Variants in CPQ observed in about 807,000 individuals in gnomAD.
The protein encoded by CPQ is carboxypeptidase Q, also known as Ser-Met dipeptidase.
CPQ carries 37 observed loss-of-function variants against 45.7 expected under a neutral mutation model. That is an observed-to-expected ratio of 0.81 (90% CI 0.62 to 1.07). CPQ has a LOEUF of 1.07. Among genes scored for constraint, CPQ ranks in the 50% least tolerant of loss-of-function variants. CPQ has a pLI of 0.00. For missense variants in CPQ, 537 were observed against 572.9 expected, an observed-to-expected ratio of 0.94 and a Z score of 0.64; for synonymous variants, 186 against 205.8, an observed-to-expected ratio of 0.90 and a Z score of 0.82.
intron 3 of CPQ, among the ~76,000 whole-genome samples, chr8:96,865,863 G>A (rs1811990293): frequency 6.6e-6 from 1 of 151,932 alleles, no homozygotes; most frequent in Non-Finnish European, 1.5e-5. Context: ...TTTATTAAGT[G>A]CCTATGTACT....
chr8:96,879,324 T>C (rs115346779), intron 3 of CPQ, among the ~76,000 whole-genome samples: 279 of 152,346 alleles, frequency 1.8e-3, no homozygotes, highest in African/African-American at 6.2e-3. Context: ...TGTGGAGTTA[T>C]AGATTTAGAC....
rs1015145653 is a variant in CPQ, at chr8:96,857,623, A to G, written c.642-22175A>G. ...TACAACTGCTGTACACATTGCAGCC[A>G]GAAAAGACATTTTAGTTGTCAGGTA... On this transcript the variant is annotated intron_variant, in intron 3 of 7. Coordinates refer to ENST00000220763, the MANE Select transcript of CPQ (RefSeq NM_016134.4). Among the ~76,000 whole-genome samples the G allele has an allele frequency of 2.6e-5, 4 of 152,238 alleles. No individual in the cohort carries two copies. In the East Asian group the frequency reaches 5.8e-4, roughly 22 times the overall value.
intron 1 of CPQ, among the ~76,000 whole-genome samples, chr8:96,702,424 C>T (rs770941247): frequency 3.9e-5 from 6 of 152,088 alleles, no homozygotes; most frequent in African/African-American, 7.2e-5. Flanking sequence ...GAAAGGTGAA[C>T]GAAAGCTACA....
At chr8:96,765,916 G>T (rs888319717) in intron 1 of CPQ, among the ~76,000 whole-genome samples, 1 of 152,132 alleles carries the variant, frequency 6.6e-6, no homozygotes, top group Non-Finnish European at 1.5e-5. Context: ...AAATAAACAG[G>T]AAATTCTAAG....
At chr8:96,749,599 A>C (rs1810232960) in intron 1 of CPQ, among the ~76,000 whole-genome samples, 1 of 152,164 alleles carries the variant, frequency 6.6e-6, no homozygotes, top group Non-Finnish European at 1.5e-5. Flanking sequence ...GAGCTTTTCT[A>C]TCAGCTGAGG....
At chr8:97,107,521 C>A (rs1461426022) in intron 7 of CPQ, among the ~76,000 whole-genome samples, 1 of 152,208 alleles carries the variant, frequency 6.6e-6, no homozygotes, top group Non-Finnish European at 1.5e-5. Flanking sequence ...GCAAGTCCAC[C>A]CTAAGGAAGA....
At chr8:96,854,530 C>CAAAAAAAAAAAAAAAAA (rs1156706371) in intron 3 of CPQ, among the ~76,000 whole-genome samples, 176 of 8,652 alleles carry the variant, frequency 0.02, 15 homozygotes, top group Non-Finnish European at 0.046. Flanking sequence ...GACTCCGTCT[C>CAAAAAAAAAAAAAAAAA]AAAAAAAAAA....
intron 6 of CPQ, among the ~76,000 whole-genome samples, chr8:97,032,159 A>G (rs1809918184): frequency 6.6e-6 from 1 of 152,230 alleles, no homozygotes; most frequent in South Asian, 2.1e-4. Flanking sequence ...AAATAAGGTT[A>G]TGCTAACTGC....
At chr8:96,987,810 T>C (rs1194928613) in intron 5 of CPQ, among the ~76,000 whole-genome samples, 2 of 152,210 alleles carry the variant, frequency 1.3e-5, no homozygotes, top group Admixed American at 1.3e-4. Context: ...TTATGGAAGA[T>C]AGATTTTATT....
intron 5 of CPQ, among the ~76,000 whole-genome samples, chr8:96,972,561 G>A (rs1440563244): frequency 6.6e-6 from 1 of 152,156 alleles, no homozygotes; most frequent in Admixed American, 6.5e-5. Flanking sequence ...CCACCTCCTG[G>A]CTGGAGGCCA....
intron 7 of CPQ, among the ~76,000 whole-genome samples, chr8:97,072,031 G>C (rs977226869): frequency 1.3e-5 from 2 of 152,076 alleles, no homozygotes; most frequent in African/African-American, 4.8e-5. Flanking sequence ...GTGAGGAAAT[G>C]TTTTCTAGAA....
chr8:96,896,290 G>A (rs13272456), intron 4 of CPQ, among the ~76,000 whole-genome samples: 58,119 of 151,908 alleles, frequency 0.38, 11,786 homozygotes, highest in Non-Finnish European at 0.46. Context: ...ATTTTAAAAA[G>A]GCATGGCTTC....
At chr8:97,000,364 T>C (rs1809254972) in intron 5 of CPQ, among the ~76,000 whole-genome samples, 1 of 151,934 alleles carries the variant, frequency 6.6e-6, no homozygotes, top group African/African-American at 2.4e-5. Context: ...AGGGTTTTTA[T>C]AGTTTTGGGT....
At chr8:97,082,180 C>A (rs1408533105) in intron 7 of CPQ, among the ~76,000 whole-genome samples, 2 of 152,114 alleles carry the variant, frequency 1.3e-5, no homozygotes, top group African/African-American at 4.8e-5. Context: ...GACACATATT[C>A]TCTCTCTCTT....
At chr8:97,077,368 C>T (rs185855368) in intron 7 of CPQ, among the ~76,000 whole-genome samples, 20 of 152,186 alleles carry the variant, frequency 1.3e-4, no homozygotes, top group East Asian at 3.9e-4. Context: ...GATTAGCATC[C>T]GCAGCATTTT....
chr8:96,951,600 A>G (rs1296621600), intron 4 of CPQ, among the ~76,000 whole-genome samples: 1 of 152,126 alleles, frequency 6.6e-6, no homozygotes, highest in Non-Finnish European at 1.5e-5. Context: ...TTATTGAAAT[A>G]AAAACGTAAC....
At chr8:96,777,639 G>A (rs1481701701) in intron 1 of CPQ, among the ~76,000 whole-genome samples, 11 of 147,256 alleles carry the variant, frequency 7.5e-5, no homozygotes. Flanking sequence ...CAAACTGATG[G>A]CCCTTGATCA....
chr8:97,009,204 T>A (rs1489124472), intron 5 of CPQ, among the ~76,000 whole-genome samples: 8 of 152,222 alleles, frequency 5.3e-5, no homozygotes, highest in Admixed American at 5.2e-4. Flanking sequence ...TTGTTCTCCA[T>A]CTGAACCAGC....
At chr8:96,759,698 G>A (rs1376749653) in intron 1 of CPQ, among the ~76,000 whole-genome samples, 22 of 152,060 alleles carry the variant, frequency 1.4e-4, no homozygotes, top group Admixed American at 1.4e-3. Context: ...GAACATTTAA[G>A]CGACTTGTCC....
Sources: allele counts gnomAD v4.1 joint callset (sites outside exome capture counted in the v4.1 genomes callset), GRCh38; gene constraint gnomAD v4.1.1; transcripts MANE v1.5; gene names NCBI Gene and HGNC (gene_info 2026-07-23, HGNC 2026-07-21).